The following PLCB1 variants were observed in gnomAD, a reference collection of about 807,000 sequenced individuals.
PLCB1 encodes the protein 1-phosphatidylinositol 4,5-bisphosphate phosphodiesterase beta-1.
PLCB1 carries 46 observed loss-of-function variants against 161.8 expected under a neutral mutation model. The ratio of observed to expected loss-of-function variants is 0.28; its 90% confidence interval spans 0.22 to 0.36. The LOEUF (loss-of-function observed/expected upper bound fraction) is 0.36. Ranked by LOEUF, PLCB1 falls within the 10% of genes least tolerant of loss-of-function variation. The pLI is 1.00. For missense variants in PLCB1, 1,016 were observed against 1,472.5 expected (o/e 0.69, Z 5.07); for synonymous variants, 517 against 503.7 (o/e 1.03, Z -0.35).
chr20:8,150,508 T>C (rs1290336541), intron 2 of PLCB1, 137 bp downstream of exon 2: 2 of 467,744 alleles, frequency 4.3e-6, no homozygotes, highest in Non-Finnish European at 7.7e-6. Flanking sequence ...TTTTAAAGAA[T>C]ATCTAAGGTA....
intron 9 of PLCB1, among the ~76,000 whole-genome samples, chr20:8,674,309 TGTG>T (rs1157536250): frequency 1.3e-5 from 2 of 152,188 alleles, no homozygotes; most frequent in African/African-American, 4.8e-5. Context: ...GACTTCATGT[TGTG>T]GTAATATTTG....
intron 3 of PLCB1, among the ~76,000 whole-genome samples, chr20:8,381,592 A>G (rs567368650): frequency 6.6e-6 from 1 of 152,278 alleles, no homozygotes; most frequent in East Asian, 1.9e-4. Context: ...TTTGGTTGGT[A>G]GGCTATTAAT....
chr20:8,398,881 C>T (rs1331503079), intron 3 of PLCB1, among the ~76,000 whole-genome samples: 1 of 151,420 alleles, frequency 6.6e-6, no homozygotes, highest in African/African-American at 2.4e-5. Flanking sequence ...AAAATGTTCT[C>T]CCGGTTTATT....
intron 3 of PLCB1, among the ~76,000 whole-genome samples, chr20:8,404,404 AT>A (rs1978696927): frequency 6.6e-6 from 1 of 152,174 alleles, no homozygotes; most frequent in African/African-American, 2.4e-5. Flanking sequence ...AATGATTTGC[AT>A]TTCTCTATGT....
intron 2 of PLCB1, among the ~76,000 whole-genome samples, chr20:8,207,575 A>G (rs533771356): frequency 1.3e-5 from 2 of 151,562 alleles, no homozygotes; most frequent in South Asian, 4.2e-4. Context: ...CTATAATATT[A>G]TTTTGCTTTT....
intron 2 of PLCB1, among the ~76,000 whole-genome samples, chr20:8,300,430 C>T (rs1028678935): frequency 2.0e-5 from 3 of 152,034 alleles, no homozygotes; most frequent in African/African-American, 4.8e-5. Flanking sequence ...AAATCCACCA[C>T]GCTAGGTCAG....
At chr20:8,834,672 G>A (rs1255152250) in intron 31 of PLCB1, among the ~76,000 whole-genome samples, 1 of 151,944 alleles carries the variant, frequency 6.6e-6, no homozygotes, top group Non-Finnish European at 1.5e-5. Flanking sequence ...AAAATTAGCT[G>A]GGTGTGGTGG....
At chr20:8,549,907 T>C (rs1349942132) in intron 3 of PLCB1, among the ~76,000 whole-genome samples, 1 of 152,148 alleles carries the variant, frequency 6.6e-6, no homozygotes, top group East Asian at 1.9e-4. Flanking sequence ...TCCCCCTACC[T>C]TTGGCACTCA....
At chr20:8,448,518 G>A (rs751028689) in intron 3 of PLCB1, among the ~76,000 whole-genome samples, 16 of 152,166 alleles carry the variant, frequency 1.1e-4, no homozygotes, top group Non-Finnish European at 1.5e-4. Context: ...GTGTTAGGGC[G>A]CCACTGAAGA....
chr20:8,684,229 ATTATTTATTTATTTAT>A (rs111508342), intron 9 of PLCB1, among the ~76,000 whole-genome samples: 10 of 145,234 alleles, frequency 6.9e-5, no homozygotes, highest in African/African-American at 1.0e-4. Flanking sequence ...CCACTTGTAA[ATTATTTATTTATTTAT>A]TTATTTATTT....
intron 26 of PLCB1, among the ~76,000 whole-genome samples, chr20:8,770,806 A>G: frequency 6.6e-6 from 1 of 152,226 alleles, no homozygotes; most frequent in Non-Finnish European, 1.5e-5. Flanking sequence ...ATGACTTTGA[A>G]TAGAATGGGA....
intron 3 of PLCB1, among the ~76,000 whole-genome samples, chr20:8,534,926 A>G (rs1224867903): frequency 1.3e-5 from 2 of 151,986 alleles, no homozygotes; most frequent in Non-Finnish European, 2.9e-5. Flanking sequence ...CAAATGCATC[A>G]TGTTGAAACA....
chr20:8,580,678 G>A (rs914773725), intron 3 of PLCB1, among the ~76,000 whole-genome samples: 2 of 152,188 alleles, frequency 1.3e-5, no homozygotes, highest in Non-Finnish European at 2.9e-5. Flanking sequence ...ATAGGTGCTG[G>A]GGGATTTCAG....
intron 18 of PLCB1, 149 bp downstream of exon 18, chr20:8,729,323 A>T (rs1288041180): frequency 2.5e-5 from 13 of 526,552 alleles, no homozygotes; most frequent in Non-Finnish European, 4.0e-5. Flanking sequence ...ATCAATGCAT[A>T]AAAAAAGTGA....
chr20:8,726,793 C>G (rs1267734687), intron 16 of PLCB1, among the ~76,000 whole-genome samples: 1 of 152,062 alleles, frequency 6.6e-6, no homozygotes, highest in East Asian at 1.9e-4. Context: ...TTTCCAAGGA[C>G]CTTTCTGTTT....
chr20:8,476,909 T>A (rs955734301), intron 3 of PLCB1, among the ~76,000 whole-genome samples: 2 of 152,206 alleles, frequency 1.3e-5, no homozygotes, highest in African/African-American at 4.8e-5. Context: ...AGGCCATTGA[T>A]CAAAGATTCT....
chr20:8,760,634 C>T (rs1981973238), intron 25 of PLCB1, among the ~76,000 whole-genome samples, 174 bp downstream of exon 25: 1 of 152,198 alleles, frequency 6.6e-6, no homozygotes, highest in African/African-American at 2.4e-5. Context: ...ATGATATAAT[C>T]ACAGAGAAGT....
intron 3 of PLCB1, among the ~76,000 whole-genome samples, chr20:8,618,951 G>C (rs971468138): frequency 1.3e-5 from 2 of 151,994 alleles, no homozygotes; most frequent in African/African-American, 4.8e-5. Context: ...ATAAAACAAA[G>C]GAAATAAATC....
chr20:8,564,513 C>T (rs1336550945), intron 3 of PLCB1, among the ~76,000 whole-genome samples: 3 of 152,116 alleles, frequency 2.0e-5, no homozygotes, highest in Non-Finnish European at 4.4e-5. Flanking sequence ...AGACCTTCTG[C>T]ACAGCAAAAG....
Sources: gnomAD v4.1 joint callset for allele counts (sites outside exome capture counted in the v4.1 genomes callset) on GRCh38, gnomAD v4.1.1 for gene constraint, MANE v1.5 for transcripts, NCBI Gene and HGNC (gene_info 2026-07-23, HGNC 2026-07-21) for gene names.